Variants in RSF1 observed in about 807,000 individuals in gnomAD.
The protein encoded by RSF1 is remodeling and spacing factor 1.
RSF1 carries 13 observed loss-of-function variants against 145.2 expected under a neutral mutation model. The ratio of observed to expected loss-of-function variants is 0.09; its 90% CI spans 0.06 to 0.14. The LOEUF is 0.14. Among genes scored for constraint, RSF1 ranks in the 10% least tolerant of loss-of-function variants. RSF1 has a pLI of 1.00. For missense variants in RSF1, 1,517 were observed against 1,718.2 expected, an observed-to-expected ratio of 0.88 and a Z score of 2.07; for synonymous variants, 577 against 592.6, an observed-to-expected ratio of 0.97 and a Z score of 0.38.
Position 77,701,906 on chromosome 11 carries a change from C to T in RSF1, c.1323G>A (p.Leu441=). The change falls in exon 6 of 16, where the codon CTG becomes CTA. Residue 441 remains leucine (L), a synonymous_variant. Transcript: ENST00000308488. ...ITALGHEGKQ[L]VNGEVSDERV... is the part of the protein sequence containing the mutation. ...TTTCATCACTAACTTCTCCATTTAC[C>T]AGCTGTTTCCCTTCATGACCCAAAG... The T allele has an allele frequency of 6.2e-7, 1 of 1,613,832 alleles. No individual in the cohort carries two copies.
intron 1 of RSF1, among the ~76,000 whole-genome samples, chr11:77,782,582 A>G (rs1948415144): frequency 6.6e-6 from 1 of 152,010 alleles, no homozygotes; most frequent in African/African-American, 2.4e-5. Flanking sequence ...TACTGCCCAC[A>G]AGGGCTGTAT....
intron 9 of RSF1, chr11:77,690,883 T>C (rs1960134907): frequency 2.1e-5 from 9 of 435,406 alleles, no homozygotes; most frequent in South Asian, 2.0e-4. Flanking sequence ...ATGAGCAAGG[T>C]TGCGTTCAAT....
intron 1 of RSF1, among the ~76,000 whole-genome samples, chr11:77,814,357 G>T (rs1250083491): frequency 6.6e-6 from 1 of 152,074 alleles, no homozygotes; most frequent in African/African-American, 2.4e-5. Flanking sequence ...TTAAAAATTA[G>T]CTGGGCATGG....
At position 77,780,682 on chromosome 11, in the gene RSF1, G is replaced by A. The variant is rs139948497; in HGVS notation, c.188-15993C>T. On this transcript the variant is annotated intron_variant, in intron 1 of 15. Transcript: ENST00000308488. ...TCTACTAAAAATACAAAAATTAGCC[G>A]CGTGTGGTGGCACATGCTGGTAGTC... is the stretch of plus-strand genomic sequence containing the variant. 7.9e-3 allele frequency among the ~76,000 whole-genome samples: 1,195 copies of A among 152,106 alleles called. 9 individuals are homozygous for A. The highest frequency in any genetic ancestry group is 0.013 in the Non-Finnish European group (858 of 67,966).
intron 1 of RSF1, among the ~76,000 whole-genome samples, chr11:77,797,755 T>G (rs908176640): frequency 6.6e-6 from 1 of 152,114 alleles, no homozygotes; most frequent in African/African-American, 2.4e-5. Flanking sequence ...ATTTTTGCAA[T>G]CTATCCATCT....
rs1222568172 is a variant in RSF1, at chr11:77,663,795, G to T, written c.*3122C>A. 2 of 152,172 alleles carry T rather than the reference G, an allele frequency of 1.3e-5. No homozygotes were observed. Among genetic ancestry groups the T allele is most frequent in the African/African-American group, 4.8e-5 (2 of 41,436 alleles). 9.4% of individuals were successfully genotyped at this position (152,172 alleles called of 1,614,324 possible). A position where few individuals can be genotyped will look rare whatever the true frequency, so the allele number is the denominator to read the frequency against. ...CAAAGCTTCTGCTGTGTGAAAAGCT[G>T]ACTAGTTTTCAAACCTTTTCAGAAA... On this transcript the variant is annotated 3_prime_UTR_variant, in exon 16 of 16. Transcript: ENST00000308488.
intron 2 of RSF1, among the ~76,000 whole-genome samples, chr11:77,752,844 A>G (rs973256744): frequency 1.3e-5 from 2 of 152,164 alleles, no homozygotes; most frequent in Non-Finnish European, 2.9e-5. Context: ...TAAAGGTCAT[A>G]AAGACCTTGC....
intron 5 of RSF1, among the ~76,000 whole-genome samples, chr11:77,721,912 T>C (rs990754198): frequency 2.6e-5 from 4 of 152,188 alleles, no homozygotes; most frequent in Admixed American, 6.5e-5. Flanking sequence ...GTTGCTCACA[T>C]CTGTAATCCC....
At chr11:77,756,466 C>T (rs1204930116) in intron 2 of RSF1, among the ~76,000 whole-genome samples, 1 of 151,322 alleles carries the variant, frequency 6.6e-6, no homozygotes, top group Non-Finnish European at 1.5e-5. Flanking sequence ...AAAATATTAA[C>T]TCAGTAAATT....
intron 1 of RSF1, among the ~76,000 whole-genome samples, chr11:77,811,079 T>C (rs77520451): frequency 0.02 from 3,090 of 152,278 alleles, 93 homozygotes; most frequent in African/African-American, 0.07. Flanking sequence ...TTTGAAGTTA[T>C]ATGTTCTCTG....
At chr11:77,869,825 T>A in the RSF1 span, 1 of 1,612,884 alleles carries the variant, frequency 6.2e-7, no homozygotes, top group Non-Finnish European at 8.5e-7. Flanking sequence ...AAGGTAGGTG[T>A]TGGTATGCAC....
chr11:77,668,499 C>T (rs1180536630), intron 15 of RSF1, among the ~76,000 whole-genome samples: 13 of 152,290 alleles, frequency 8.5e-5, no homozygotes, highest in South Asian at 6.2e-4. Flanking sequence ...AGTTATTAGA[C>T]GCCCTTGGTA....
the RSF1 span, chr11:77,872,147 C>T: frequency 6.9e-6 from 11 of 1,604,578 alleles, no homozygotes; most frequent in Non-Finnish European, 8.5e-6. Context: ...TTTCCCCCTA[C>T]TTACTCATCT....
chr11:77,793,932 AGAT>A (rs1157984759), intron 1 of RSF1, among the ~76,000 whole-genome samples: 1 of 152,196 alleles, frequency 6.6e-6, no homozygotes, highest in African/African-American at 2.4e-5. Context: ...ATAAAAAAAA[AGAT>A]GATGAAGGTC....
intron 1 of RSF1, among the ~76,000 whole-genome samples, chr11:77,815,749 A>T (rs1352479912): frequency 2.8e-5 from 4 of 140,422 alleles, no homozygotes; most frequent in East Asian, 2.1e-4. Flanking sequence ...TGTTTTTTTA[A>T]AAAAATAATC....
chr11:77,809,472 T>C (rs2135986049), intron 1 of RSF1, among the ~76,000 whole-genome samples: 1 of 151,676 alleles, frequency 6.6e-6, no homozygotes, highest in East Asian at 1.9e-4. Context: ...ACTAAAGGAG[T>C]GAGATATAGT....
intron 6 of RSF1, among the ~76,000 whole-genome samples, chr11:77,700,391 C>G (rs1030090905): frequency 1.6e-5 from 2 of 128,420 alleles, no homozygotes; most frequent in Admixed American, 1.6e-4. Flanking sequence ...TGCAAAGATA[C>G]TATACCCCAC....
chr11:77,717,407 G>A (rs1960841574), intron 5 of RSF1, among the ~76,000 whole-genome samples: 1 of 152,088 alleles, frequency 6.6e-6, no homozygotes, highest in Non-Finnish European at 1.5e-5. Flanking sequence ...TCACCTGGGA[G>A]AAAACAGCTT....
chr11:77,702,593 T>G, intron 5 of RSF1, 98 bp from the exon 6 acceptor site: 1 of 736,136 alleles, frequency 1.4e-6, no homozygotes, highest in Non-Finnish European at 1.9e-6. Context: ...AAGTTTCTAT[T>G]TTAAAAGAGG....
Sources: allele counts gnomAD v4.1 joint callset (sites outside exome capture counted in the v4.1 genomes callset), GRCh38; gene constraint gnomAD v4.1.1; transcripts MANE v1.5; gene names NCBI Gene and HGNC (gene_info 2026-07-23, HGNC 2026-07-21).